The following RAB3GAP1 variants were observed in gnomAD, a reference collection of about 807,000 sequenced individuals.
RAB3GAP1 encodes the protein RAB3 GTPase activating protein catalytic subunit 1.
RAB3GAP1 carries 86 observed loss-of-function variants against 130.7 expected under a neutral mutation model. The ratio of observed to expected loss-of-function variants is 0.66; its 90% CI spans 0.55 to 0.79. The LOEUF is 0.79. Ranked by LOEUF, RAB3GAP1 falls within the 30% of genes least tolerant of loss-of-function variation. RAB3GAP1 has a pLI of 0.00. For synonymous variants in RAB3GAP1, 367 were observed against 401.7 expected (o/e 0.91, Z 1.03); for missense variants, 1,029 against 1,169.4 (o/e 0.88, Z 1.75).
chr2:135,135,552 T>C lies in RAB3GAP1; in HGVS notation c.1555-12T>C. 1 of 1,582,610 alleles carries C rather than the reference T, an allele frequency of 6.3e-7. No individual in the cohort carries two copies. Among genetic ancestry groups the C allele is most frequent in the African/African-American group, 1.4e-5 (1 of 73,696 alleles). ...CTAATTCAACTATAAATGTTATTTC[T>C]CTTTTCTTAAGATGTTAAATTGTTG... On this transcript the variant is annotated splice_polypyrimidine_tract_variant and intron_variant, in intron 16 of 23. Coordinates refer to ENST00000264158, the MANE Select transcript of RAB3GAP1 (RefSeq NM_012233.3).
intron 17 of RAB3GAP1, chr2:135,136,613 AAAAG>A (rs1310794552): frequency 1.3e-6 from 1 of 760,520 alleles, no homozygotes; most frequent in African/African-American, 1.8e-5. Flanking sequence ...AGATGTTTAA[AAAAG>A]AAAATCCAAC....
chr2:135,152,064 G>T (rs1389644406), intron 18 of RAB3GAP1, among the ~76,000 whole-genome samples: 4 of 152,196 alleles, frequency 2.6e-5, no homozygotes, highest in African/African-American at 9.7e-5. Flanking sequence ...AATTTAAATA[G>T]TCAACTTACA....
rs115145818 is a variant in RAB3GAP1, at chr2:135,158,597, A to G, written c.2290-3958A>G. On this transcript the variant is annotated intron_variant, in intron 19 of 23. Coordinates refer to ENST00000264158, the MANE Select transcript of RAB3GAP1 (RefSeq NM_012233.3). ...CAAAGATGAGTGGTAAATGTAGAGGATATGTTGGAGTTGGAAGTCTTCATT... is the reference window on the plus strand; with the variant it reads ...CAAAGATGAGTGGTAAATGTAGAGGGTATGTTGGAGTTGGAAGTCTTCATT... Among the ~76,000 whole-genome samples the G allele has an allele frequency of 5.4e-3, 830 of 152,324 alleles. 7 individuals are homozygous for G. Among genetic ancestry groups the G allele is most frequent in the African/African-American group, 0.019 (792 of 41,570 alleles).
chr2:135,130,641 A>T lies in RAB3GAP1; in HGVS notation c.1156A>T (p.Thr386Ser). 6.2e-7 allele frequency: 1 copy of T among 1,613,766 alleles called. No homozygotes were observed. Among genetic ancestry groups the T allele is most frequent in the Admixed American group, 1.7e-5 (1 of 60,030 alleles). ...ATTATCAGTTTCAAATATGGTACAC[A>T]CTGCAAAGAAGAAAATCCGAAAACA... ...HKLSVSNMVH[T>S]AKKKIRKHRG... Residue 386 changes from threonine to serine, a missense_variant, in exon 13 of 24, where the codon ACT (threonine) becomes TCT (serine). Coordinates refer to ENST00000264158, the MANE Select transcript of RAB3GAP1 (RefSeq NM_012233.3).
intron 3 of RAB3GAP1, among the ~76,000 whole-genome samples, chr2:135,083,676 G>T (rs1689892458): frequency 6.6e-6 from 1 of 150,470 alleles, no homozygotes; most frequent in Admixed American, 6.6e-5. Context: ...TGTTACTCAG[G>T]CTGGTCCTAA....
chr2:135,133,926 CTGTA>C lies in RAB3GAP1; in HGVS notation c.1395_1398del (p.Cys465Ter). On this transcript the variant is annotated frameshift_variant, in exon 15 of 24. Coordinates refer to ENST00000264158, the MANE Select transcript of RAB3GAP1 (RefSeq NM_012233.3). LOFTEE classifies it high-confidence loss of function. ...TAACATACAAACTGGCTTTGTGTCT[CTGTA>C]TGATCAATTTTTACCATGGAGGGTT... 6.2e-7 allele frequency: 1 copy of C among 1,613,824 alleles called. No individual in the cohort carries two copies. The highest frequency in any genetic ancestry group is 8.5e-7 in the Non-Finnish European group (1 of 1,179,750).
intron 3 of RAB3GAP1, among the ~76,000 whole-genome samples, chr2:135,071,554 T>G (rs548993663): frequency 5.0e-4 from 75 of 151,038 alleles, no homozygotes; most frequent in African/African-American, 1.8e-3. Context: ...AAAGAATTAT[T>G]AGAGAAAGTA....
intron 17 of RAB3GAP1, among the ~76,000 whole-genome samples, chr2:135,137,587 A>G (rs908809614): frequency 2.0e-5 from 3 of 152,250 alleles, no homozygotes; most frequent in African/African-American, 7.2e-5. Context: ...AGTGACCTTG[A>G]TGGACAGTGG....
At position 135,052,600 on chromosome 2, in the gene RAB3GAP1, G is replaced by C. The variant is rs1026826250; in HGVS notation, c.74+115G>C. On this transcript the variant is annotated intron_variant, in intron 2 of 23. Transcript: ENST00000264158. ...CCACTTGTGCGGGAACGGTAATACCGTGGGTCCCGGGTCTCCTCCCCCAGT... is the reference window on the plus strand; with the variant it reads ...CCACTTGTGCGGGAACGGTAATACCCTGGGTCCCGGGTCTCCTCCCCCAGT... The C allele has an allele frequency of 2.4e-6, 3 of 1,248,678 alleles. No homozygotes were observed. The African/African-American group carries it at 4.4e-5, about 19-fold the overall frequency. 77.3% of individuals were successfully genotyped at this position (1,248,678 alleles called of 1,614,324 possible).
At chr2:135,121,417 A>G (rs999813524) in intron 8 of RAB3GAP1, among the ~76,000 whole-genome samples, 5 of 152,190 alleles carry the variant, frequency 3.3e-5, no homozygotes, top group African/African-American at 4.8e-5. Context: ...ATCAAAATCA[A>G]TTTGCCTGCT....
chr2:135,052,652 C>A (rs978866754), intron 2 of RAB3GAP1, among the ~76,000 whole-genome samples, 167 bp downstream of exon 2: 5 of 152,180 alleles, frequency 3.3e-5, no homozygotes, highest in African/African-American at 1.2e-4. Context: ...CAAGCCTCTT[C>A]CGCGTCTCGC....
intron 5 of RAB3GAP1, among the ~76,000 whole-genome samples, chr2:135,095,407 A>G (rs1437877228): frequency 2.0e-5 from 3 of 152,220 alleles, no homozygotes; most frequent in Non-Finnish European, 4.4e-5. Flanking sequence ...TTTCTGCACA[A>G]TGTATTTCAT....
intron 2 of RAB3GAP1, among the ~76,000 whole-genome samples, chr2:135,054,669 G>C (rs1688963606): frequency 6.6e-6 from 1 of 152,164 alleles, no homozygotes; most frequent in South Asian, 2.1e-4. Context: ...CTTGGAGGGT[G>C]GGGTAGGGAA....
intron 19 of RAB3GAP1, 122 bp downstream of exon 19, chr2:135,153,998 G>A: frequency 1.1e-6 from 1 of 928,734 alleles, no homozygotes; most frequent in Non-Finnish European, 1.7e-6. Context: ...GAAATTCAAT[G>A]AGCGTTTTAT....
At chr2:135,137,065 G>A in intron 17 of RAB3GAP1, 1 of 256,268 alleles carries the variant, frequency 3.9e-6, no homozygotes, top group East Asian at 1.0e-4. Flanking sequence ...ACTCCAGCCT[G>A]GGTAACAAAG....
intron 19 of RAB3GAP1, among the ~76,000 whole-genome samples, chr2:135,159,834 A>G (rs1692417630): frequency 6.6e-6 from 1 of 152,264 alleles, no homozygotes; most frequent in South Asian, 2.1e-4. Context: ...TATGTGTTAC[A>G]ACATGGGTGA....
chr2:135,158,350 G>T (rs1692373698), intron 19 of RAB3GAP1, among the ~76,000 whole-genome samples: 1 of 152,050 alleles, frequency 6.6e-6, no homozygotes, highest in Non-Finnish European at 1.5e-5. Context: ...GAACATCCTG[G>T]ATTGCTCGAC....
At chr2:135,119,991 C>T (rs1558785892) in intron 7 of RAB3GAP1, among the ~76,000 whole-genome samples, 1 of 152,088 alleles carries the variant, frequency 6.6e-6, no homozygotes, top group Non-Finnish European at 1.5e-5. Context: ...TTAGCTGATT[C>T]ATTAATCTAT....
intron 3 of RAB3GAP1, among the ~76,000 whole-genome samples, chr2:135,081,764 A>G (rs1221131044): frequency 1.3e-5 from 2 of 152,054 alleles, no homozygotes; most frequent in Admixed American, 1.3e-4. Flanking sequence ...GCACATTCGG[A>G]TTATAAACCG....
Sources: gnomAD v4.1 joint callset for allele counts (sites outside exome capture counted in the v4.1 genomes callset) on GRCh38, gnomAD v4.1.1 for gene constraint, MANE v1.5 for transcripts, NCBI Gene and HGNC (gene_info 2026-07-23, HGNC 2026-07-21) for gene names.